The following FARS2 variants were observed in gnomAD, a reference collection of about 807,000 sequenced individuals.
The protein encoded by FARS2 is phenylalanine--tRNA ligase, mitochondrial.
Under a neutral mutation model 46.4 loss-of-function variants are expected in FARS2, and 40 were observed. The ratio of observed to expected loss-of-function variants is 0.86; its 90% CI spans 0.67 to 1.12. The LOEUF (loss-of-function observed/expected upper bound fraction) is 1.12. Ranked by LOEUF, FARS2 falls within the 50% of genes most tolerant of loss-of-function variation. The probability of loss-of-function intolerance (pLI) is 0.00; values close to 1 mark genes in which losing one functional copy is unlikely to be tolerated. For missense variants in FARS2, 513 were observed against 567.9 expected (o/e 0.90, Z 0.98); for synonymous variants, 234 against 214.9 (o/e 1.09, Z -0.78).
At chr6:5,700,179 C>T (rs1758332499) in intron 6 of FARS2, among the ~76,000 whole-genome samples, 2 of 152,166 alleles carry the variant, frequency 1.3e-5, no homozygotes, top group South Asian at 4.1e-4. Flanking sequence ...GACATAAATA[C>T]ATGCATTCAC....
At chr6:5,315,552 A>G (rs1234511080) in intron 1 of FARS2, among the ~76,000 whole-genome samples, 7 of 152,196 alleles carry the variant, frequency 4.6e-5, no homozygotes, top group Admixed American at 3.9e-4. Context: ...TGATGGTGAG[A>G]AAAAGGAGCA....
intron 1 of FARS2, among the ~76,000 whole-genome samples, chr6:5,305,100 TG>T (rs1349878131): frequency 1.3e-5 from 2 of 152,080 alleles, no homozygotes; most frequent in Admixed American, 6.5e-5. Flanking sequence ...CTGAATGGAG[TG>T]CTTGTGTGGA....
At chr6:5,260,655 T>C, upstream of FARS2, 1 of 1,508,586 alleles carries the variant, frequency 6.6e-7, no homozygotes, top group African/African-American at 1.4e-5. Flanking sequence ...CACCTGTAAT[T>C]GTAGGCGCTG....
intron 4 of FARS2, among the ~76,000 whole-genome samples, chr6:5,470,609 T>C (rs936823210): frequency 2.0e-5 from 3 of 152,232 alleles, no homozygotes; most frequent in Non-Finnish European, 4.4e-5. Flanking sequence ...AGTAACTATA[T>C]GTAAGGCTCA....
intron 4 of FARS2, among the ~76,000 whole-genome samples, chr6:5,532,629 T>A (rs1412104913): frequency 6.6e-6 from 1 of 152,152 alleles, no homozygotes; most frequent in African/African-American, 2.4e-5. Context: ...TGGGCACCTG[T>A]AATCCCAGCT....
rs766636921 is a variant in FARS2 at position 5,404,634 on chromosome 6, C to T, written c.705C>T (p.Ala235=). ...AHKQETHTME[A]VKLVEFDLKQ... ...AACAAGAGACACACACCATGGAGGC[C>T]GTGAAGCTTGTAGAGTTTGATCTTA... is the stretch of plus-strand genomic sequence containing the variant. The change falls in exon 3 of 7, where the codon GCC becomes GCT. Residue 235 remains alanine (A), a synonymous_variant. Transcript: ENST00000274680. 45 of 1,612,794 alleles carry T rather than the reference C, an allele frequency of 2.8e-5. 2 individuals carry two copies. In the South Asian group the frequency reaches 3.7e-4, roughly 13 times the overall value.
intron 5 of FARS2, among the ~76,000 whole-genome samples, chr6:5,605,624 C>G (rs1412750077): frequency 1.3e-5 from 2 of 152,202 alleles, no homozygotes; most frequent in African/African-American, 4.8e-5. Context: ...CCCATGCAGG[C>G]CAAGCCTGCC....
At chr6:5,617,393 C>T (rs1169919556) in intron 6 of FARS2, among the ~76,000 whole-genome samples, 1 of 152,132 alleles carries the variant, frequency 6.6e-6, no homozygotes, top group East Asian at 1.9e-4. Flanking sequence ...GGCATGTGTC[C>T]CTTATTAAGA....
intron 2 of FARS2, among the ~76,000 whole-genome samples, chr6:5,378,949 C>T (rs575637645): frequency 6.6e-6 from 1 of 152,196 alleles, no homozygotes; most frequent in East Asian, 1.9e-4. Context: ...AGAGAGACCC[C>T]TTTTTCTGTG....
intron 4 of FARS2, among the ~76,000 whole-genome samples, chr6:5,482,226 G>T (rs1766507150): frequency 6.6e-6 from 1 of 151,592 alleles, no homozygotes; most frequent in African/African-American, 2.4e-5. Flanking sequence ...TTATATTTCT[G>T]GTATCAGTAT....
chr6:5,448,423 T>C (rs2150257634), intron 4 of FARS2, among the ~76,000 whole-genome samples: 1 of 152,210 alleles, frequency 6.6e-6, no homozygotes, highest in South Asian at 2.1e-4. Flanking sequence ...TACAAATATG[T>C]ATTCTTTTTC....
intron 1 of FARS2, among the ~76,000 whole-genome samples, chr6:5,327,529 G>T (rs917479952): frequency 6.6e-6 from 1 of 152,066 alleles, no homozygotes; most frequent in African/African-American, 2.4e-5. Flanking sequence ...TTTATAAAAG[G>T]AAAGTTCCCC....
At chr6:5,485,828 C>T (rs199655136) in intron 4 of FARS2, among the ~76,000 whole-genome samples, 1 of 152,164 alleles carries the variant, frequency 6.6e-6, no homozygotes, top group African/African-American at 2.4e-5. Context: ...AATTAGAATT[C>T]GGTACCACTG....
intron 3 of FARS2, 54 bp from the exon 4 acceptor site, chr6:5,430,987 A>G: frequency 5.7e-6 from 9 of 1,572,288 alleles, no homozygotes; most frequent in Non-Finnish European, 7.8e-6. Context: ...TGATCACAAG[A>G]AAGGGCAGAC....
At chr6:5,642,357 A>G (rs974376682) in intron 6 of FARS2, among the ~76,000 whole-genome samples, 2 of 152,224 alleles carry the variant, frequency 1.3e-5, no homozygotes, top group African/African-American at 4.8e-5. Flanking sequence ...TGAGCACTGT[A>G]AATCCCCAAT....
At chr6:5,710,853 A>G (rs964327800) in intron 6 of FARS2, among the ~76,000 whole-genome samples, 1 of 152,232 alleles carries the variant, frequency 6.6e-6, no homozygotes, top group Non-Finnish European at 1.5e-5. Flanking sequence ...GCTCATGTGC[A>G]TCAGGGAATA....
At chr6:5,520,199 G>T (rs1422564499) in intron 4 of FARS2, among the ~76,000 whole-genome samples, 2 of 152,142 alleles carry the variant, frequency 1.3e-5, no homozygotes, top group African/African-American at 2.4e-5. Flanking sequence ...TTCATGTGGG[G>T]TTGATTTTTT....
intron 1 of FARS2, among the ~76,000 whole-genome samples, chr6:5,334,983 T>C (rs537753868): frequency 5.3e-4 from 80 of 152,316 alleles, no homozygotes; most frequent in African/African-American, 1.8e-3. Flanking sequence ...TTTCTATCCA[T>C]AAATTAAGGT....
At chr6:5,432,323 A>T (rs867318149) in intron 4 of FARS2, among the ~76,000 whole-genome samples, 571 of 39,598 alleles carry the variant, frequency 0.014, 3 homozygotes, top group Non-Finnish European at 0.027. Context: ...TTAAAAAAAA[A>T]AAAAATATAT....
Sources: gnomAD v4.1 joint callset for allele counts (sites outside exome capture counted in the v4.1 genomes callset) on GRCh38, gnomAD v4.1.1 for gene constraint, MANE v1.5 for transcripts, NCBI Gene and HGNC (gene_info 2026-07-23, HGNC 2026-07-21) for gene names.